The following ENTREP2 variants were observed in gnomAD, a reference collection of about 807,000 sequenced individuals.
ENTREP2 encodes protein ENTREP2.
chr15:29,668,340 C>T, the ENTREP2 span, among the ~76,000 whole-genome samples: 1 of 152,158 alleles, frequency 6.6e-6, no homozygotes, highest in African/African-American at 2.4e-5. Context: ...GGCGCCACTT[C>T]GGAAAACAGT....
the ENTREP2 span, among the ~76,000 whole-genome samples, chr15:29,651,709 G>A: frequency 1.3e-5 from 2 of 152,256 alleles, no homozygotes; most frequent in Non-Finnish European, 2.9e-5. Context: ...CCAGCTGGGT[G>A]TATACACACT....
the ENTREP2 span, among the ~76,000 whole-genome samples, chr15:29,631,505 T>C: frequency 6.6e-6 from 1 of 152,224 alleles, no homozygotes; most frequent in Non-Finnish European, 1.5e-5. Context: ...GTCAAGTTTG[T>C]TAGTGTGCCA....
chr15:29,645,302 C>G, the ENTREP2 span, among the ~76,000 whole-genome samples: 1 of 152,124 alleles, frequency 6.6e-6, no homozygotes, highest in East Asian at 1.9e-4. Context: ...GATGTAGATC[C>G]TGCCAACAGC....
the ENTREP2 span, among the ~76,000 whole-genome samples, chr15:29,664,197 C>A: frequency 3.3e-5 from 5 of 152,202 alleles, no homozygotes; most frequent in Non-Finnish European, 7.3e-5. Flanking sequence ...TGCAGCATGG[C>A]TCTGTGACTG....
the ENTREP2 span, among the ~76,000 whole-genome samples, chr15:29,453,486 G>C: frequency 2.0e-5 from 3 of 152,208 alleles, no homozygotes; most frequent in Admixed American, 2.0e-4. Flanking sequence ...AGAAGGCCTG[G>C]GGAGGACCTG....
the ENTREP2 span, among the ~76,000 whole-genome samples, chr15:29,553,909 C>T: frequency 2.0e-5 from 3 of 152,174 alleles, no homozygotes; most frequent in Non-Finnish European, 4.4e-5. Flanking sequence ...CCAGCAGAGC[C>T]GTTCCAAATT....
the ENTREP2 span, among the ~76,000 whole-genome samples, chr15:29,150,552 CAACATGAGGCCCCGATG>C: frequency 1.3e-5 from 2 of 152,176 alleles, no homozygotes; most frequent in Admixed American, 1.3e-4. Context: ...AGAAAATTGC[CAACATGAGGCCCCGATG>C]AACAAGGGCA....
At chr15:29,556,911 G>A in the ENTREP2 span, among the ~76,000 whole-genome samples, 1 of 151,440 alleles carries the variant, frequency 6.6e-6, no homozygotes, top group African/African-American at 2.5e-5. Flanking sequence ...TCAGGCCCCA[G>A]AGCGCTCCAT....
At chr15:29,124,093 C>A in the ENTREP2 span, among the ~76,000 whole-genome samples, 2 of 152,142 alleles carry the variant, frequency 1.3e-5, no homozygotes, top group Non-Finnish European at 2.9e-5. Flanking sequence ...ACCGCCCCCC[C>A]CATCATGCCA....
the ENTREP2 span, among the ~76,000 whole-genome samples, chr15:29,571,637 T>TA: frequency 1.1e-4 from 16 of 151,850 alleles, no homozygotes; most frequent in East Asian, 7.7e-4. Context: ...GTTTGGGCTT[T>TA]AAAAAAAAAT....
chr15:29,150,158 A>G, the ENTREP2 span, among the ~76,000 whole-genome samples: 1 of 152,172 alleles, frequency 6.6e-6, no homozygotes, highest in African/African-American at 2.4e-5. Flanking sequence ...AGGTGAGGAA[A>G]CTGAGGCACA....
chr15:29,493,097 T>C, the ENTREP2 span, among the ~76,000 whole-genome samples: 761 of 149,450 alleles, frequency 5.1e-3, 1 homozygote, highest in Non-Finnish European at 8.1e-3. Context: ...AATTCAATAA[T>C]AGTATTTCCA....
the ENTREP2 span, among the ~76,000 whole-genome samples, chr15:29,132,181 C>T: frequency 5.3e-5 from 8 of 152,196 alleles, no homozygotes; most frequent in Non-Finnish European, 1.2e-4. Flanking sequence ...CACTACTGAC[C>T]CTGCCTCGCC....
the ENTREP2 span, among the ~76,000 whole-genome samples, chr15:29,346,402 G>A: frequency 6.6e-6 from 1 of 152,110 alleles, no homozygotes; most frequent in Non-Finnish European, 1.5e-5. Flanking sequence ...CAAAAACACG[G>A]ATCTTTGCTC....
chr15:29,440,453 G>C, the ENTREP2 span, among the ~76,000 whole-genome samples: 1 of 152,016 alleles, frequency 6.6e-6, no homozygotes, highest in East Asian at 1.9e-4. Context: ...CAGTAGACTT[G>C]AGTTAACTTT....
At chr15:29,157,774 G>C in the ENTREP2 span, among the ~76,000 whole-genome samples, 1 of 150,112 alleles carries the variant, frequency 6.7e-6, no homozygotes, top group Non-Finnish European at 1.5e-5. Flanking sequence ...GTGTCGCCCA[G>C]GCTGGAATGC....
the ENTREP2 span, among the ~76,000 whole-genome samples, chr15:29,662,211 C>CAAAAA: frequency 7.7e-4 from 36 of 46,564 alleles, no homozygotes; most frequent in Non-Finnish European, 8.7e-4. Context: ...AACCCTGTCG[C>CAAAAA]AAAAAAAAAA....
At chr15:29,404,339 C>A in the ENTREP2 span, among the ~76,000 whole-genome samples, 1 of 151,860 alleles carries the variant, frequency 6.6e-6, no homozygotes, top group African/African-American at 2.4e-5. Flanking sequence ...ATGAAGGGAA[C>A]CCCCCCATCT....
chr15:29,466,457 G>C, the ENTREP2 span, among the ~76,000 whole-genome samples: 1 of 150,082 alleles, frequency 6.7e-6, no homozygotes. Context: ...CCCAGGTGAG[G>C]ATGCTGATGG....
Sources: gnomAD v4.1 joint callset for allele counts (sites outside exome capture counted in the v4.1 genomes callset) on GRCh38, gnomAD v4.1.1 for gene constraint, MANE v1.5 for transcripts, NCBI Gene and HGNC (gene_info 2026-07-23, HGNC 2026-07-21) for gene names.